MTHFD2L: variants seen among roughly 807,000 people sequenced by gnomAD.
MTHFD2L encodes the protein bifunctional methylenetetrahydrofolate dehydrogenase/cyclohydrolase 2, mitochondrial.
MTHFD2L carries 29 observed loss-of-function variants against 34.9 expected under a neutral mutation model. The ratio of observed to expected loss-of-function variants is 0.83; its 90% confidence interval spans 0.62 to 1.13. MTHFD2L has a LOEUF of 1.13. MTHFD2L is among the 50% of genes most tolerant of loss of function. The pLI is 0.00. For synonymous variants in MTHFD2L, 167 were observed against 155.7 expected (o/e 1.07, Z -0.54); for missense variants, 481 against 446.5 (o/e 1.08, Z -0.70).
rs75420780 is a variant in MTHFD2L, at chr4:74,174,266, A to T, written c.144-240A>T. On this transcript the variant is annotated intron_variant, in intron 1 of 7. Coordinates refer to ENST00000325278, the MANE Select transcript of MTHFD2L (RefSeq NM_001144978.3). ...TTCAACATAGGAATTTTGAAGAGACATACACATTCATTTTATAGCAGATAG... is the reference window on the plus strand; with the variant it reads ...TTCAACATAGGAATTTTGAAGAGACTTACACATTCATTTTATAGCAGATAG... Among the ~76,000 whole-genome samples, 990 of 152,294 alleles carry T rather than the reference A, an allele frequency of 6.5e-3. 29 individuals are homozygous for T. The South Asian group carries it at 0.08, about 12-fold the overall frequency.
At chr4:74,199,413 A>G (rs1734027963) in intron 3 of MTHFD2L, among the ~76,000 whole-genome samples, 1 of 152,312 alleles carries the variant, frequency 6.6e-6, no homozygotes, top group East Asian at 1.9e-4. Context: ...ATAGAAGCCT[A>G]TTAGGAGAAC....
chr4:74,178,966 A>G (rs1729581419), intron 3 of MTHFD2L, among the ~76,000 whole-genome samples: 1 of 152,056 alleles, frequency 6.6e-6, no homozygotes, highest in Admixed American at 6.6e-5. Flanking sequence ...CCTCACTGGC[A>G]CATCAGTGTT....
intron 6 of MTHFD2L, among the ~76,000 whole-genome samples, chr4:74,256,512 A>G (rs369619784): frequency 3.9e-5 from 6 of 152,190 alleles, no homozygotes; most frequent in Middle Eastern, 3.4e-3. Context: ...TTCTTCTACG[A>G]TTCTTATAGT....
intron 7 of MTHFD2L, among the ~76,000 whole-genome samples, chr4:74,282,522 A>C (rs1432867307): frequency 6.6e-6 from 1 of 152,086 alleles, no homozygotes; most frequent in East Asian, 1.9e-4. Flanking sequence ...GTTCTAGCAT[A>C]TTGTTGAATA....
chr4:74,278,227 C>A (rs1042067260), intron 6 of MTHFD2L, among the ~76,000 whole-genome samples: 1 of 152,086 alleles, frequency 6.6e-6, no homozygotes, highest in African/African-American at 2.4e-5. Context: ...GAAGTACAAC[C>A]AACTATTCCA....
chr4:74,219,001 T>C (rs1737688701), intron 5 of MTHFD2L, among the ~76,000 whole-genome samples: 1 of 152,068 alleles, frequency 6.6e-6, no homozygotes, highest in African/African-American at 2.4e-5. Flanking sequence ...ATAAAAATAG[T>C]ATAAAACTAT....
chr4:74,289,716 G>A (rs1748641880), intron 7 of MTHFD2L, among the ~76,000 whole-genome samples: 1 of 152,064 alleles, frequency 6.6e-6, no homozygotes, highest in South Asian at 2.1e-4. Flanking sequence ...GTTAAGAGGT[G>A]GTTAGATGGT....
At chr4:74,115,136 A>T (rs1268857485) in intron 2 of MTHFD2L, among the ~76,000 whole-genome samples, 1 of 152,232 alleles carries the variant, frequency 6.6e-6, no homozygotes, top group African/African-American at 2.4e-5. Flanking sequence ...AGAATATTTA[A>T]GTATATATGA....
chr4:74,168,920 A>AGAAT (rs1482550074), intron 1 of MTHFD2L, among the ~76,000 whole-genome samples: 1 of 152,220 alleles, frequency 6.6e-6, no homozygotes, highest in Non-Finnish European at 1.5e-5. Flanking sequence ...TAAAGTAATG[A>AGAAT]GAATGTGTGA....
intron 5 of MTHFD2L, among the ~76,000 whole-genome samples, chr4:74,223,262 TAC>T (rs1258150945): frequency 5.9e-5 from 9 of 151,312 alleles, no homozygotes; most frequent in Non-Finnish European, 1.2e-4. Context: ...CACACACACA[TAC>T]ACACACCATG....
At chr4:74,206,221 TAAAAAGGGAAAACTTGATAAAG>T (rs1358941762) in intron 5 of MTHFD2L, among the ~76,000 whole-genome samples, 1 of 151,920 alleles carries the variant, frequency 6.6e-6, no homozygotes, top group Non-Finnish European at 1.5e-5. Flanking sequence ...GGCAGAGGTT[TAAAAAGGGAAAACTTGATAAAG>T]AAGGCATGTA....
At chr4:74,135,695 A>AT (rs34474385) in intron 1 of MTHFD2L, among the ~76,000 whole-genome samples, 147,181 of 150,040 alleles carry the variant, frequency 0.98, 72,201 homozygotes, top group East Asian at 1. Flanking sequence ...ACAAGGACAC[A>AT]TTTTTTTTTT....
intron 6 of MTHFD2L, chr4:74,267,728 AAGG>A: frequency 1.0e-6 from 1 of 985,298 alleles, no homozygotes; most frequent in Non-Finnish European, 1.2e-6. Flanking sequence ...CTCAGAGAAT[AAGG>A]TTTGATTGAT....
chr4:74,180,236 A>G (rs1350698944), intron 3 of MTHFD2L, among the ~76,000 whole-genome samples: 1 of 152,106 alleles, frequency 6.6e-6, no homozygotes, highest in Non-Finnish European at 1.5e-5. Context: ...TTCATGTTTT[A>G]CAGAATAAAT....
intron 6 of MTHFD2L, among the ~76,000 whole-genome samples, chr4:74,266,156 G>A (rs907657607): frequency 6.6e-6 from 1 of 152,140 alleles, no homozygotes; most frequent in Non-Finnish European, 1.5e-5. Context: ...CTGGAACATA[G>A]CAGAAACTCA....
At chr4:74,151,523 T>C (rs936091145) in intron 1 of MTHFD2L, among the ~76,000 whole-genome samples, 24 of 152,314 alleles carry the variant, frequency 1.6e-4, no homozygotes, top group African/African-American at 5.8e-4. Context: ...TTTCATCACT[T>C]GATAGCTGTA....
chr4:74,198,496 A>G (rs1194122997), intron 3 of MTHFD2L, among the ~76,000 whole-genome samples: 1 of 146,648 alleles, frequency 6.8e-6, no homozygotes, highest in Non-Finnish European at 1.5e-5. Context: ...TTTTCTTTTC[A>G]TCTATAAAGC....
At chr4:74,250,831 A>C (rs1171215583) in intron 6 of MTHFD2L, among the ~76,000 whole-genome samples, 1 of 152,166 alleles carries the variant, frequency 6.6e-6, no homozygotes, top group Non-Finnish European at 1.5e-5. Context: ...TATTCTTGCC[A>C]AGAACAGCTG....
upstream of MTHFD2L, among the ~76,000 whole-genome samples, chr4:74,154,222 C>T (rs569474960): frequency 6.6e-6 from 1 of 152,258 alleles, no homozygotes; most frequent in African/African-American, 2.4e-5. Context: ...AAGTATCCAT[C>T]CTATCAGTAT....
Sources: gnomAD v4.1 joint callset for allele counts (sites outside exome capture counted in the v4.1 genomes callset) on GRCh38, gnomAD v4.1.1 for gene constraint, MANE v1.5 for transcripts, NCBI Gene and HGNC (gene_info 2026-07-23, HGNC 2026-07-21) for gene names.